Variants in VWC2L observed in about 807,000 individuals in gnomAD.
VWC2L encodes von Willebrand factor C domain-containing protein 2-like.
VWC2L carries 10 observed loss-of-function variants against 21.6 expected under a neutral mutation model. That is an observed-to-expected ratio of 0.46 (90% CI 0.29 to 0.78). VWC2L has a LOEUF of 0.78. Ranked by LOEUF, VWC2L falls within the 30% of genes least tolerant of loss-of-function variation. The pLI, the probability that VWC2L is intolerant of heterozygous loss-of-function variation, is 0.10. For missense variants in VWC2L, 209 were observed against 277.1 expected, an observed-to-expected ratio of 0.75 and a Z score of 1.74; for synonymous variants, 96 against 94.3, an observed-to-expected ratio of 1.02 and a Z score of -0.10.
chr2:214,527,518 C>T (rs1345969010), intron 3 of VWC2L, among the ~76,000 whole-genome samples: 1 of 152,168 alleles, frequency 6.6e-6, no homozygotes, highest in East Asian at 1.9e-4. Flanking sequence ...TCACACCACT[C>T]TCCCCTACCT....
chr2:214,531,522 A>G lies in VWC2L; in HGVS notation c.521-44150A>G, dbSNP rs578090303. Among the ~76,000 whole-genome samples, 13 of 152,274 alleles carry G rather than the reference A, an allele frequency of 8.5e-5. No individual in the cohort carries two copies. The South Asian group carries it at 2.7e-3, about 32-fold the overall frequency. ...AGAATATTAGATCTATTCTACAGGT[A>G]ATCAACTTTTCCTTCAAGTAAAGTG... On this transcript the variant is annotated intron_variant, in intron 3 of 3. Coordinates refer to ENST00000312504, the MANE Select transcript of VWC2L (RefSeq NM_001080500.4).
At chr2:214,471,354 A>G (rs1703307263) in intron 3 of VWC2L, among the ~76,000 whole-genome samples, 1 of 152,222 alleles carries the variant, frequency 6.6e-6, no homozygotes, top group Admixed American at 6.5e-5. Flanking sequence ...GAACAAATCA[A>G]TCAATGGACC....
chr2:214,439,118 G>C (rs896125822), intron 3 of VWC2L, among the ~76,000 whole-genome samples: 7 of 152,060 alleles, frequency 4.6e-5, no homozygotes, highest in African/African-American at 1.7e-4. Flanking sequence ...CCAAAGAAGA[G>C]TATATCAAGA....
intron 3 of VWC2L, among the ~76,000 whole-genome samples, chr2:214,573,242 T>TACAC (rs139028593): frequency 2.0e-5 from 3 of 151,036 alleles, no homozygotes; most frequent in Admixed American, 6.6e-5. Flanking sequence ...CACATACACA[T>TACAC]ACACACACAC....
At chr2:214,566,864 C>G (rs1690069993) in intron 3 of VWC2L, among the ~76,000 whole-genome samples, 1 of 152,020 alleles carries the variant, frequency 6.6e-6, no homozygotes, top group Non-Finnish European at 1.5e-5. Context: ...ATCAGAAATC[C>G]TATTTGATTT....
chr2:214,434,257 A>G (rs1408769088), intron 2 of VWC2L, among the ~76,000 whole-genome samples: 3 of 152,104 alleles, frequency 2.0e-5, no homozygotes, highest in Admixed American at 6.6e-5. Context: ...TTACTGGATT[A>G]TTATCTGTTA....
intron 3 of VWC2L, among the ~76,000 whole-genome samples, chr2:214,567,583 CACACACACACACAG>C (rs1233008264): frequency 9.6e-5 from 6 of 62,236 alleles, no homozygotes; most frequent in Non-Finnish European, 1.3e-4. Flanking sequence ...CACACACACA[CACACACACACACAG>C]AGAGAGAGAG....
chr2:214,561,227 G>T (rs552636048), intron 3 of VWC2L, among the ~76,000 whole-genome samples: 14 of 152,250 alleles, frequency 9.2e-5, no homozygotes, highest in African/African-American at 2.6e-4. Flanking sequence ...CACTGATACG[G>T]ATGCAGTTGA....
chr2:214,560,792 G>A (rs1574636955), intron 3 of VWC2L, among the ~76,000 whole-genome samples: 2 of 152,280 alleles, frequency 1.3e-5, no homozygotes, highest in South Asian at 2.1e-4. Flanking sequence ...TCATTCTCAA[G>A]CTGTCATGTG....
At chr2:214,429,871 T>A (rs1702574508) in intron 2 of VWC2L, among the ~76,000 whole-genome samples, 1 of 152,194 alleles carries the variant, frequency 6.6e-6, no homozygotes, top group South Asian at 2.1e-4. Flanking sequence ...TTGTCCAGGC[T>A]GGAGTGCAAT....
intron 3 of VWC2L, among the ~76,000 whole-genome samples, chr2:214,501,901 G>A (rs1227838476): frequency 6.6e-6 from 1 of 152,122 alleles, no homozygotes; most frequent in Non-Finnish European, 1.5e-5. Context: ...AGATTACAGA[G>A]AAAGAGAAGT....
At chr2:214,536,474 C>T (rs980237511) in intron 3 of VWC2L, among the ~76,000 whole-genome samples, 1 of 151,936 alleles carries the variant, frequency 6.6e-6, no homozygotes, top group African/African-American at 2.4e-5. Context: ...AATCCACCAT[C>T]GGAAATTTGG....
chr2:214,492,163 G>C (rs988207402), intron 3 of VWC2L, among the ~76,000 whole-genome samples: 1 of 152,186 alleles, frequency 6.6e-6, no homozygotes, highest in Non-Finnish European at 1.5e-5. Flanking sequence ...AAGTCAAAGA[G>C]TATTTTCTGT....
intron 3 of VWC2L, among the ~76,000 whole-genome samples, chr2:214,560,849 G>T (rs1417236756): frequency 2.0e-5 from 3 of 152,156 alleles, no homozygotes; most frequent in African/African-American, 7.2e-5. Flanking sequence ...ACAGCTCAAA[G>T]GCTGATGCTG....
At chr2:214,502,024 T>C (rs1206122323) in intron 3 of VWC2L, among the ~76,000 whole-genome samples, 7 of 152,336 alleles carry the variant, frequency 4.6e-5, no homozygotes, top group East Asian at 1.9e-4. Flanking sequence ...CCAGATGGCA[T>C]GATTATGATT....
intron 2 of VWC2L, among the ~76,000 whole-genome samples, chr2:214,424,678 C>CT (rs1702496160): frequency 6.6e-6 from 1 of 152,106 alleles, no homozygotes; most frequent in East Asian, 1.9e-4. Context: ...TCTCAGAACA[C>CT]TTATTAACAT....
Position 214,449,134 on chromosome 2 carries a change from TC to T in VWC2L, c.520+12379del, listed in dbSNP as rs532021126. ...AAACTGGTGTGTTTAATACCTGATG[TC>T]CCAGCTATTTCCCTCAAATGTTTAG... On this transcript the variant is annotated intron_variant, in intron 3 of 3. Transcript: ENST00000312504. Among the ~76,000 whole-genome samples the T allele has an allele frequency of 1.9e-4, 29 of 152,340 alleles. No individual in the cohort carries two copies. In the East Asian group the frequency reaches 4.8e-3, roughly 25 times the overall value.
At chr2:214,414,623 T>C in intron 2 of VWC2L, 40 bp downstream of exon 2, 4 of 1,589,570 alleles carry the variant, frequency 2.5e-6, no homozygotes, top group Non-Finnish European at 3.4e-6. Context: ...TATCAACTTT[T>C]CATACCACGT....
intron 3 of VWC2L, among the ~76,000 whole-genome samples, chr2:214,466,683 A>G (rs1394263838): frequency 6.6e-6 from 1 of 152,188 alleles, no homozygotes; most frequent in East Asian, 1.9e-4. Context: ...TTTCAATCCT[A>G]TTAACCTTCT....
Sources: gnomAD v4.1 joint callset for allele counts (sites outside exome capture counted in the v4.1 genomes callset) on GRCh38, gnomAD v4.1.1 for gene constraint, MANE v1.5 for transcripts, NCBI Gene and HGNC (gene_info 2026-07-23, HGNC 2026-07-21) for gene names.